DNAH7: variants seen among roughly 807,000 people sequenced by gnomAD.
The protein encoded by DNAH7 is dynein axonemal heavy chain 7, also known as axonemal beta dynein heavy chain 7.
In DNAH7, 397 loss-of-function variants were observed where a neutral mutation model predicts 444.6. That is an observed-to-expected ratio of 0.89 (90% CI 0.82 to 0.97). The LOEUF is 0.97. Among genes scored for constraint, DNAH7 ranks in the 50% least tolerant of loss-of-function variants. The pLI is 0.00. For synonymous variants in DNAH7, 1,636 were observed against 1,624.4 expected, an observed-to-expected ratio of 1.01 and a Z score of -0.17; for missense variants, 4,902 against 4,800.8, an observed-to-expected ratio of 1.02 and a Z score of -0.62.
intron 10 of DNAH7, among the ~76,000 whole-genome samples, chr2:196,007,530 T>C (rs1299477947): frequency 1.3e-5 from 2 of 152,182 alleles, no homozygotes; most frequent in Non-Finnish European, 2.9e-5. Flanking sequence ...GCTTTGGATA[T>C]GATACTGATA....
chr2:196,001,861 T>C lies in DNAH7; in HGVS notation c.990-3A>G. Reference sequence around the variant, plus strand: ...TATTCTGCACTTCTGGAAACCACCTTGAAAGAACAAAAGACTTTTAAAAGT... The same window carrying C: ...TATTCTGCACTTCTGGAAACCACCTCGAAAGAACAAAAGACTTTTAAAAGT... On this transcript the variant is annotated splice_polypyrimidine_tract_variant and splice_region_variant and intron_variant, in intron 10 of 64. Transcript: ENST00000312428. The C allele has an allele frequency of 1.9e-6, 3 of 1,596,810 alleles. No individual in the cohort carries two copies. The highest frequency in any genetic ancestry group is 2.6e-6 in the Non-Finnish European group (3 of 1,173,538).
intron 60 of DNAH7, among the ~76,000 whole-genome samples, chr2:195,774,983 A>AT (rs1269064320): frequency 3.3e-5 from 5 of 152,254 alleles, no homozygotes; most frequent in African/African-American, 9.6e-5. Flanking sequence ...ACAACTGAGC[A>AT]TATCTTCTAA....
intron 12 of DNAH7, among the ~76,000 whole-genome samples, chr2:195,989,518 A>G (rs1192664730): frequency 2.0e-5 from 3 of 152,154 alleles, no homozygotes; most frequent in Admixed American, 6.6e-5. Flanking sequence ...CAGGTTTTCC[A>G]TCAATAATAG....
At chr2:196,045,190 AAGG>A (rs1697031428) in intron 5 of DNAH7, among the ~76,000 whole-genome samples, 1 of 143,218 alleles carries the variant, frequency 7.0e-6, no homozygotes, top group African/African-American at 2.7e-5. Flanking sequence ...AGAAGAGGAG[AAGG>A]AGGAGGAAAA....
At chr2:196,060,808 T>C (rs1388392828) in intron 1 of DNAH7, among the ~76,000 whole-genome samples, 1 of 152,196 alleles carries the variant, frequency 6.6e-6, no homozygotes, top group African/African-American at 2.4e-5. Flanking sequence ...TTTTACTCAA[T>C]CTTTTAACAG....
At chr2:195,942,407 AGAG>A (rs1559252161) in intron 19 of DNAH7, among the ~76,000 whole-genome samples, 2 of 146,186 alleles carry the variant, frequency 1.4e-5, no homozygotes, top group East Asian at 3.6e-4. Context: ...AAGAAGATGA[AGAG>A]GAGGAAGAGG....
chr2:195,906,064 G>A (rs777878459), intron 27 of DNAH7, among the ~76,000 whole-genome samples: 7 of 151,880 alleles, frequency 4.6e-5, no homozygotes, highest in East Asian at 1.9e-4. Context: ...AGATGGGAAC[G>A]TGCTCATGAT....
intron 17 of DNAH7, among the ~76,000 whole-genome samples, chr2:195,968,804 A>G (rs948300684): frequency 6.6e-6 from 1 of 152,180 alleles, no homozygotes; most frequent in African/African-American, 2.4e-5. Context: ...AGTTCTGACC[A>G]CTGGGATGGG....
chr2:196,023,447 A>G (rs1191721944), intron 8 of DNAH7, among the ~76,000 whole-genome samples: 1 of 152,198 alleles, frequency 6.6e-6, no homozygotes, highest in Non-Finnish European at 1.5e-5. Context: ...TTAATTTTTC[A>G]ACCCTTGCTC....
intron 12 of DNAH7, among the ~76,000 whole-genome samples, chr2:195,991,613 T>C (rs1303626210): frequency 6.6e-6 from 1 of 152,204 alleles, no homozygotes; most frequent in Admixed American, 6.6e-5. Context: ...TCAACTTCAA[T>C]AAAACAACTG....
intron 21 of DNAH7, among the ~76,000 whole-genome samples, chr2:195,934,166 T>C (rs578174569): frequency 6.6e-6 from 1 of 152,292 alleles, no homozygotes; most frequent in Non-Finnish European, 1.5e-5. Context: ...AAGCATACAT[T>C]ATTTTCTAAC....
intron 27 of DNAH7, chr2:195,901,588 C>T (rs747921537): frequency 3.3e-5 from 5 of 152,134 alleles, no homozygotes; most frequent in African/African-American, 1.2e-4. Flanking sequence ...GGTTTCTCAT[C>T]TGGGCTGCTG....
intron 14 of DNAH7, among the ~76,000 whole-genome samples, chr2:195,986,794 T>A (rs898460594): frequency 1.3e-5 from 2 of 152,210 alleles, no homozygotes; most frequent in South Asian, 2.1e-4. Context: ...TGAATTTAGA[T>A]AATGTCCACT....
intron 40 of DNAH7, 55 bp downstream of exon 40, chr2:195,872,195 G>A: frequency 4.5e-6 from 6 of 1,335,248 alleles, no homozygotes; most frequent in Non-Finnish European, 6.4e-6. Flanking sequence ...CCAGTTGTTG[G>A]CATGGCAAAT....
intron 42 of DNAH7, among the ~76,000 whole-genome samples, chr2:195,859,463 AATAT>A (rs953482311): frequency 6.6e-6 from 1 of 151,824 alleles, no homozygotes; most frequent in African/African-American, 2.4e-5. Flanking sequence ...TTTATCTGCA[AATAT>A]ATATATATGT....
chr2:195,822,237 T>C (rs73062480), intron 49 of DNAH7, among the ~76,000 whole-genome samples: 9,314 of 152,274 alleles, frequency 0.061, 385 homozygotes, highest in African/African-American at 0.12. Flanking sequence ...CAGGCTACAT[T>C]TGCTTTAATC....
chr2:195,757,186 A>G (rs1203178294), intron 61 of DNAH7, among the ~76,000 whole-genome samples: 2 of 152,214 alleles, frequency 1.3e-5, no homozygotes, highest in Non-Finnish European at 1.5e-5. Context: ...CTCGCTACCT[A>G]TTAAATCACA....
At chr2:195,810,228 T>C (rs1574476185) in intron 51 of DNAH7, among the ~76,000 whole-genome samples, 1 of 152,298 alleles carries the variant, frequency 6.6e-6, no homozygotes, top group Non-Finnish European at 1.5e-5. Context: ...TAATTTCAAA[T>C]GTTTTATATT....
intron 19 of DNAH7, among the ~76,000 whole-genome samples, chr2:195,937,381 C>T (rs1161005636): frequency 6.6e-6 from 1 of 152,140 alleles, no homozygotes; most frequent in Non-Finnish European, 1.5e-5. Context: ...TTCCTGAACT[C>T]TCTAGAGACA....
Sources: gnomAD v4.1 joint callset for allele counts (sites outside exome capture counted in the v4.1 genomes callset) on GRCh38, gnomAD v4.1.1 for gene constraint, MANE v1.5 for transcripts, NCBI Gene and HGNC (gene_info 2026-07-23, HGNC 2026-07-21) for gene names.